ESPNL: variants seen among roughly 807,000 people sequenced by gnomAD.
ESPNL encodes the protein espin like, also known as espin-like protein.
Under a neutral mutation model 46.8 loss-of-function variants are expected in ESPNL, and 49 were observed. The observed-to-expected ratio is 1.05, with a 90% CI of 0.83 to 1.33. The LOEUF is 1.33. Ranked by LOEUF, ESPNL falls within the 40% of genes most tolerant of loss-of-function variation. The pLI is 0.00. For synonymous variants in ESPNL, 664 were observed against 662.1 expected, an observed-to-expected ratio of 1.00 and a Z score of -0.04; for missense variants, 1,540 against 1,436.6, an observed-to-expected ratio of 1.07 and a Z score of -1.16.
Position 238,100,641 on chromosome 2 carries a change from G to A in ESPNL, c.222G>A (p.Ala74=), listed in dbSNP as rs768422822. 198 of 1,453,650 alleles carry A rather than the reference G, an allele frequency of 1.4e-4. No individual in the cohort carries two copies. The highest frequency in any genetic ancestry group is 4.6e-4 in the Admixed American group (17 of 36,910). 90.0% of individuals were successfully genotyped at this position (1,453,650 alleles called of 1,614,324 possible). Residue 74 remains alanine, a synonymous_variant, in exon 1 of 9, where the codon GCG becomes GCA. Transcript: ENST00000343063. Reference sequence around the variant, plus strand: ...GGGCCCACAACGGGGCCACCCCAGCGCATGACGCCGCTGCCACGGGCAGCC... The same window carrying A: ...GGGCCCACAACGGGGCCACCCCAGCACATGACGCCGCTGCCACGGGCAGCC... The part of the protein sequence containing the change: ...NQRAHNGATP[A]HDAAATGSLA...
Position 238,131,257 on chromosome 2 carries a change from T to G in ESPNL, c.2543T>G (p.Val848Gly). 1 of 1,573,824 alleles carries G rather than the reference T, an allele frequency of 6.4e-7. No homozygotes were observed. The highest frequency in any genetic ancestry group is 8.6e-7 in the Non-Finnish European group (1 of 1,162,276). The change falls in exon 9 of 9, where the codon GTG (valine) becomes GGG (glycine). Residue 848 changes from valine (V) to glycine (G), a missense_variant. Val to Gly is a moderately radical substitution (Grantham distance 109). Transcript: ENST00000343063. The part of the protein sequence containing the change: ...QFLPHVDGAP[V>G]PYSSLSLDLF... The stretch of plus-strand genomic sequence containing the variant: ...CTGCCCCACGTGGACGGGGCTCCGG[T>G]GCCCTACAGCAGCCTCTCACTGGAT...
intron 7 of ESPNL, 78 bp downstream of exon 7, chr2:238,127,812 G>A: frequency 8.8e-7 from 1 of 1,136,862 alleles, no homozygotes; most frequent in Non-Finnish European, 1.3e-6. Context: ...GGGGCCCAGA[G>A]AAGCCCCCAG....
intron 5 of ESPNL, among the ~76,000 whole-genome samples, chr2:238,124,354 A>G (rs1692050582): frequency 6.6e-6 from 1 of 152,164 alleles, no homozygotes; most frequent in Admixed American, 6.5e-5. Flanking sequence ...GCTGGGGACA[A>G]GGGCTGCCCA....
chr2:238,110,991 C>T lies in ESPNL; in HGVS notation c.855+3018C>T, dbSNP rs183249532. On this transcript the variant is annotated intron_variant, in intron 4 of 8. Transcript: ENST00000343063. The stretch of plus-strand genomic sequence containing the variant: ...TTTTTGAGACGGAGTCTCACTCTGT[C>T]GCCCAGGCTGGAGTGCAGAGGCTCG... 2.0e-4 allele frequency among the ~76,000 whole-genome samples: 25 copies of T among 122,498 alleles called. No homozygotes were observed. The East Asian group carries it at 2.9e-3, about 14-fold the overall frequency. The allele number at this position is 122,498 out of a possible 152,430, so 80.4% of individuals were successfully genotyped here. A position where few individuals can be genotyped will look rare whatever the true frequency, so the allele number is the denominator to read the frequency against.
intron 5 of ESPNL, among the ~76,000 whole-genome samples, chr2:238,124,095 G>A (rs896871394): frequency 1.3e-5 from 2 of 152,222 alleles, no homozygotes; most frequent in African/African-American, 2.4e-5. Context: ...AGAGACAGCC[G>A]TGCATTCGAG....
intron 1 of ESPNL, among the ~76,000 whole-genome samples, chr2:238,101,069 C>T (rs1265425580): frequency 6.6e-6 from 1 of 152,214 alleles, no homozygotes; most frequent in East Asian, 1.9e-4. Flanking sequence ...ACTGTGGGAA[C>T]TTGGGCTTGA....
At chr2:238,108,079 T>A in intron 4 of ESPNL, 106 bp downstream of exon 4, 1 of 1,078,040 alleles carries the variant, frequency 9.3e-7, no homozygotes, top group Non-Finnish European at 1.3e-6. Context: ...ATGACCCTCT[T>A]TTACAGATAG....
At chr2:238,107,694 C>T (rs1284406107) in intron 3 of ESPNL, 97 bp from the exon 4 acceptor site, 29 of 1,253,842 alleles carry the variant, frequency 2.3e-5, no homozygotes, top group Non-Finnish European at 3.1e-5. Context: ...CCGAGAGGTA[C>T]AGCCAGAGTC....
In ESPNL at chr2:238,130,782, G is replaced by A; in HGVS notation, c.2068G>A (p.Ala690Thr). 1 of 1,546,510 alleles carries A rather than the reference G, an allele frequency of 6.5e-7. No individual in the cohort carries two copies. Reference sequence around the variant, plus strand: ...GCAGTGCCTGAGTGGCTGCTGGCCAGCCCTGCCTAAGCCCCGCAGTGGCCT... The same window carrying A: ...GCAGTGCCTGAGTGGCTGCTGGCCAACCCTGCCTAAGCCCCGCAGTGGCCT... Reference protein sequence around the residue: ...HRQCLSGCWPALPKPRSGLAS... With the variant: ...HRQCLSGCWPTLPKPRSGLAS... Residue 690 changes from alanine to threonine, a missense_variant, in exon 9 of 9, where the codon GCC (alanine) becomes ACC (threonine). By Grantham distance (58) the Ala-to-Thr change is moderately conservative (BLOSUM62 0). Coordinates refer to ENST00000343063, the MANE Select transcript of ESPNL (RefSeq NM_194312.4).
At chr2:238,128,328 T>A (rs1692188837) in intron 7 of ESPNL, among the ~76,000 whole-genome samples, 1 of 152,146 alleles carries the variant, frequency 6.6e-6, no homozygotes, top group South Asian at 2.1e-4. Flanking sequence ...TGACAAGCCC[T>A]CCGCGGCACA....
Position 238,100,591 on chromosome 2 carries a change from C to G in ESPNL, c.172C>G (p.Arg58Gly), listed in dbSNP as rs752090591. 1 of 1,542,278 alleles carries G rather than the reference C, an allele frequency of 6.5e-7. No individual in the cohort carries two copies. The highest frequency in any genetic ancestry group is 2.0e-5 in the Admixed American group (1 of 49,542). The change falls in exon 1 of 9, where the codon CGG (arginine) becomes GGG (glycine). Residue 58 changes from arginine (R) to glycine (G), a missense_variant. Coordinates refer to ENST00000343063, the MANE Select transcript of ESPNL (RefSeq NM_194312.4). ...GGACTGCGTCAAGTTCTTGGTGCAG[C>G]GGGCCCAGCTGCCCGGCAACCAGCG... ...HLDCVKFLVQRAQLPGNQRAH... is the reference protein window; with the variant it reads ...HLDCVKFLVQGAQLPGNQRAH...
chr2:238,110,703 C>T (rs12991711), intron 4 of ESPNL, among the ~76,000 whole-genome samples: 69 of 14,726 alleles, frequency 4.7e-3, no homozygotes, highest in South Asian at 9.1e-3. Context: ...GTTTCCCTTT[C>T]CTGTCCCAGG....
intron 4 of ESPNL, 21 bp from the exon 5 acceptor site, chr2:238,116,882 T>C (rs11903074): frequency 0.85 from 1,365,594 of 1,610,300 alleles, 580,246 homozygotes; most frequent in African/African-American, 0.86. Flanking sequence ...GTGGGTCACA[T>C]GTGTGCCCTC....
At chr2:238,123,707 C>T (rs775832188) in intron 5 of ESPNL, among the ~76,000 whole-genome samples, 1 of 152,210 alleles carries the variant, frequency 6.6e-6, no homozygotes, top group African/African-American at 2.4e-5. Context: ...GCTGTGCTCC[C>T]TGCACTCTGC....
intron 5 of ESPNL, among the ~76,000 whole-genome samples, chr2:238,120,425 C>T (rs1691960576): frequency 6.6e-6 from 1 of 152,242 alleles, no homozygotes; most frequent in Non-Finnish European, 1.5e-5. Flanking sequence ...GTCCCTGACA[C>T]TGTTCCCGCC....
At chr2:238,118,265 G>GGGTA (rs1691862205) in intron 5 of ESPNL, among the ~76,000 whole-genome samples, 2 of 133,344 alleles carry the variant, frequency 1.5e-5, no homozygotes, top group Non-Finnish European at 1.6e-5. Context: ...ATGGAGGAAT[G>GGGTA]GATGGTGGAG....
At chr2:238,108,933 A>G (rs1397596118) in intron 4 of ESPNL, among the ~76,000 whole-genome samples, 1 of 151,996 alleles carries the variant, frequency 6.6e-6, no homozygotes, top group Admixed American at 6.5e-5. Context: ...AGGAAACCCA[A>G]TCCCCCCTCC....
chr2:238,103,970 T>G (rs1189910315), intron 2 of ESPNL, among the ~76,000 whole-genome samples: 1 of 152,126 alleles, frequency 6.6e-6, no homozygotes, highest in Non-Finnish European at 1.5e-5. Context: ...AGCCTCTGTT[T>G]CCCCTCTGCC....
intron 6 of ESPNL, chr2:238,127,355 C>G (rs1692162061): frequency 7.9e-7 from 1 of 1,269,876 alleles, no homozygotes; most frequent in African/African-American, 1.6e-5. Context: ...TTCCCAGCTC[C>G]TCCCCTGCTG....
Sources: gnomAD v4.1 joint callset for allele counts (sites outside exome capture counted in the v4.1 genomes callset) on GRCh38, gnomAD v4.1.1 for gene constraint, MANE v1.5 for transcripts, NCBI Gene and HGNC (gene_info 2026-07-23, HGNC 2026-07-21) for gene names.